The following LCORL variants were observed in gnomAD, a reference collection of about 807,000 sequenced individuals.
LCORL encodes ligand dependent nuclear receptor corepressor like, also known as ligand-dependent nuclear receptor corepressor-like protein.
LCORL carries 41 observed loss-of-function variants against 141.8 expected under a neutral mutation model. The observed-to-expected ratio is 0.29, with a 90% confidence interval of 0.23 to 0.38. The LOEUF (loss-of-function observed/expected upper bound fraction) is 0.38, where lower values mean the gene tolerates loss of function less well. LCORL is among the 10% of genes least tolerant of loss of function. LCORL has a pLI of 1.00. For synonymous variants in LCORL, 618 were observed against 694.1 expected (o/e 0.89, Z 1.72); for missense variants, 1,759 against 2,035.0 (o/e 0.86, Z 2.61).
intron 1 of LCORL, among the ~76,000 whole-genome samples, chr4:18,017,922 G>A (rs1263959219): frequency 6.6e-6 from 1 of 152,026 alleles, no homozygotes; most frequent in Non-Finnish European, 1.5e-5. Context: ...GGGGTAAAGA[G>A]GTTGATGTCT....
At chr4:17,846,078 A>G (rs903204000) in intron 7 of LCORL, among the ~76,000 whole-genome samples, 177 bp from the exon 8 acceptor site, 25 of 152,176 alleles carry the variant, frequency 1.6e-4, no homozygotes, top group African/African-American at 6.0e-4. Context: ...ACTAAATACA[A>G]TGAATAATGC....
exon 7 of LCORL, chr4:17,876,237 T>C (rs1236369323): frequency 8.1e-7 from 1 of 1,230,924 alleles, no homozygotes; most frequent in Non-Finnish European, 1.0e-6. Context: ...TTCAAGTCTT[T>C]TGTTATTCAA....
chr4:17,893,528 A>C, intron 5 of LCORL: 1 of 985,362 alleles, frequency 1.0e-6, no homozygotes, highest in African/African-American at 1.7e-5. Flanking sequence ...GCACAGGTAG[A>C]TATTCTTCAG....
Position 17,852,649 on chromosome 4 carries a change from G to A in LCORL, c.5603-6748C>T, listed in dbSNP as rs114648530. Among the ~76,000 whole-genome samples, 990 of 152,238 alleles carry A rather than the reference G, an allele frequency of 6.5e-3. 16 individuals are homozygous for A. Among genetic ancestry groups the A allele is most frequent in the African/African-American group, 0.023 (952 of 41,532 alleles). On this transcript the variant is annotated intron_variant, in intron 7 of 7. Coordinates refer to ENST00000635767, the Ensembl canonical transcript of LCORL. ...GGCAAGAGGAATCTGAAATGGTTAC[G>A]TAGGCATCTAAGCCTATTTTCAATA...
chr4:17,911,544 G>A (rs1160343496), intron 4 of LCORL: 1 of 250,330 alleles, frequency 4.0e-6, no homozygotes. Context: ...GTGGAAGAAT[G>A]GTAAAATCAC....
At chr4:17,931,198 TCTC>T (rs1475191914) in intron 4 of LCORL, among the ~76,000 whole-genome samples, 1 of 152,056 alleles carries the variant, frequency 6.6e-6, no homozygotes, top group African/African-American at 2.4e-5. Context: ...TATTACCCCC[TCTC>T]CTCCTCCCAC....
exon 5 of LCORL, chr4:17,909,123 T>C (rs1304666885): frequency 6.2e-7 from 1 of 1,603,056 alleles, no homozygotes; most frequent in Non-Finnish European, 8.5e-7. Flanking sequence ...TTGCATTCGA[T>C]TCACAGTGAG....
intron 4 of LCORL, among the ~76,000 whole-genome samples, chr4:17,951,716 C>T (rs1050632910): frequency 6.6e-6 from 1 of 152,278 alleles, no homozygotes. Context: ...TATTATCTGC[C>T]TCCCTTCACT....
At chr4:17,915,586 A>AT (rs1733268893) in intron 4 of LCORL, among the ~76,000 whole-genome samples, 1 of 152,228 alleles carries the variant, frequency 6.6e-6, no homozygotes, top group African/African-American at 2.4e-5. Flanking sequence ...AGTAACTTCA[A>AT]TAAGCTGTTA....
At chr4:17,878,761 C>T (rs927458297) in intron 6 of LCORL, among the ~76,000 whole-genome samples, 2 of 151,076 alleles carry the variant, frequency 1.3e-5, no homozygotes, top group Non-Finnish European at 3.0e-5. Flanking sequence ...AAGCTGCAGG[C>T]GTTAGCTATT....
At chr4:17,858,321 AG>A (rs971075652) in intron 7 of LCORL, among the ~76,000 whole-genome samples, 11 of 148,580 alleles carry the variant, frequency 7.4e-5, no homozygotes, top group African/African-American at 2.7e-4. Context: ...AAATAAGGAG[AG>A]GAAAAAAAAA....
At chr4:17,999,747 G>A (rs936575336) in intron 1 of LCORL, among the ~76,000 whole-genome samples, 1 of 152,124 alleles carries the variant, frequency 6.6e-6, no homozygotes, top group East Asian at 1.9e-4. Context: ...ACTAGTAGGT[G>A]GGAAGTAGGG....
chr4:17,997,892 T>C (rs1721159617), intron 1 of LCORL, among the ~76,000 whole-genome samples: 1 of 152,112 alleles, frequency 6.6e-6, no homozygotes, highest in Admixed American at 6.5e-5. Flanking sequence ...CTCTTGCAAA[T>C]TGAAGAAATA....
chr4:17,877,264 T>C (rs1727024910), exon 7 of LCORL: 3 of 1,230,116 alleles, frequency 2.4e-6, no homozygotes, highest in Non-Finnish European at 3.0e-6. Context: ...GCTTTTGCAT[T>C]ATGCAAGAGA....
intron 1 of LCORL, among the ~76,000 whole-genome samples, chr4:17,985,635 T>C (rs1718826942): frequency 6.6e-6 from 1 of 152,216 alleles, no homozygotes; most frequent in Non-Finnish European, 1.5e-5. Context: ...TCCATCCTTT[T>C]ATTTTCAGCC....
At chr4:17,888,916 T>C (rs911695697) in intron 5 of LCORL, among the ~76,000 whole-genome samples, 1 of 152,154 alleles carries the variant, frequency 6.6e-6, no homozygotes, top group African/African-American at 2.4e-5. Context: ...GTTTATGGCA[T>C]ATAAAACACA....
chr4:17,899,315 G>A (rs891715844), intron 5 of LCORL, among the ~76,000 whole-genome samples: 5 of 151,868 alleles, frequency 3.3e-5, no homozygotes, highest in Admixed American at 3.3e-4. Context: ...TTTTCTTATT[G>A]TTAAGGGGAT....
intron 2 of LCORL, among the ~76,000 whole-genome samples, chr4:17,970,418 C>T (rs1715700809): frequency 6.6e-6 from 1 of 152,104 alleles, no homozygotes; most frequent in Admixed American, 6.6e-5. Flanking sequence ...TGAGCTAGAG[C>T]CTTTGGAAGA....
chr4:17,950,441 C>A (rs1044695270), intron 4 of LCORL, among the ~76,000 whole-genome samples: 1 of 152,132 alleles, frequency 6.6e-6, no homozygotes, highest in African/African-American at 2.4e-5. Flanking sequence ...ACGCTTCAAG[C>A]ATATTGATGA....
Sources: allele counts gnomAD v4.1 joint callset (sites outside exome capture counted in the v4.1 genomes callset), GRCh38; gene constraint gnomAD v4.1.1; transcripts MANE v1.5; gene names NCBI Gene and HGNC (gene_info 2026-07-23, HGNC 2026-07-21).